Variants in ADGRL1 observed in about 807,000 individuals in gnomAD.
The protein encoded by ADGRL1 is CIRL-1.
A neutral mutation model predicts 148.9 loss-of-function variants in ADGRL1; 31 were observed. The observed-to-expected ratio is 0.21, with a 90% CI of 0.16 to 0.28. The LOEUF (loss-of-function observed/expected upper bound fraction) is 0.28. ADGRL1 is among the 10% of genes least tolerant of loss of function. ADGRL1 has a pLI of 1.00. For missense variants in ADGRL1, 1,521 were observed against 2,058.8 expected (o/e 0.74, Z 5.05); for synonymous variants, 937 against 900.3 (o/e 1.04, Z -0.73).
At chr19:14,166,670 C>G (rs1044435993) in intron 4 of ADGRL1, among the ~76,000 whole-genome samples, 3 of 139,072 alleles carry the variant, frequency 2.2e-5, no homozygotes, top group Non-Finnish European at 4.7e-5. Context: ...GCCCTGGATG[C>G]TTATACACTT....
rs550958283 is a variant in ADGRL1, at chr19:14,205,439, A to G, written c.-96+546T>C. Among the ~76,000 whole-genome samples the G allele has an allele frequency of 3.7e-4, 54 of 145,764 alleles. 1 individual carries two copies. The South Asian group carries it at 9.9e-3, about 27-fold the overall frequency. The stretch of plus-strand genomic sequence containing the variant: ...CGGACCCCTCCCCATCCCCCGCGCC[A>G]CTGCCTCCCAGAGAAAAACAACCCC... On this transcript the variant is annotated intron_variant, in intron 1 of 22. Transcript: ENST00000361434.
At chr19:14,172,488 C>G (rs750543806) in intron 3 of ADGRL1, among the ~76,000 whole-genome samples, 7 of 151,974 alleles carry the variant, frequency 4.6e-5, no homozygotes, top group Non-Finnish European at 1.0e-4. Flanking sequence ...ACCTGTAATC[C>G]CAGAACTTTG....
chr19:14,181,447 G>T (rs750289292), intron 2 of ADGRL1, among the ~76,000 whole-genome samples: 1 of 152,178 alleles, frequency 6.6e-6, no homozygotes, highest in African/African-American at 2.4e-5. Flanking sequence ...GGCTGGGCGC[G>T]GTGGTTCACG....
rs1460969532 is a variant in ADGRL1 at position 14,161,885 on chromosome 19, CA to C, written c.1196-260del. On this transcript the variant is annotated intron_variant, in intron 5 of 22. Transcript: ENST00000361434. The surrounding 1 kb of genome is among the most constrained non-coding windows in gnomAD (Gnocchi z 4.4). ...GTACCATAAGGTCTGAGAGAACGGTCAGGGGAGAGGCAGGGACAGAGGTGTC... is the reference window on the plus strand; with the variant it reads ...GTACCATAAGGTCTGAGAGAACGGTCGGGGAGAGGCAGGGACAGAGGTGTC... 1.3e-5 allele frequency among the ~76,000 whole-genome samples: 2 copies of C among 152,288 alleles called. No individual in the cohort carries two copies. Among genetic ancestry groups the C allele is most frequent in the East Asian group, 3.9e-4 (2 of 5,186 alleles).
intron 1 of ADGRL1, among the ~76,000 whole-genome samples, chr19:14,184,591 A>C (rs1971441555): frequency 1.4e-5 from 2 of 145,256 alleles, no homozygotes; most frequent in Admixed American, 6.9e-5. Flanking sequence ...CACCACTACC[A>C]CCAGCTAATT....
At chr19:14,183,478 C>T (rs1475610051) in intron 2 of ADGRL1, 55 bp downstream of exon 2, 30 of 1,307,538 alleles carry the variant, frequency 2.3e-5, no homozygotes, top group Admixed American at 1.8e-4. Flanking sequence ...TTTTATCTGC[C>T]CCCCCCAGAA....
rs867605945 is a variant in ADGRL1 at position 14,205,579 on chromosome 19, G to A, written c.-96+406C>T. ...CACACCCAGACACCTACACAAACAG[G>A]GCGCCAAGCACCCGCGCGCACACGC... is the stretch of plus-strand genomic sequence containing the variant. On this transcript the variant is annotated intron_variant, in intron 1 of 22. Transcript: ENST00000361434. 9.1e-4 allele frequency among the ~76,000 whole-genome samples: 138 copies of A among 151,832 alleles called. 3 individuals carry two copies. The highest frequency in any genetic ancestry group is 5.9e-4 in the Admixed American group (9 of 15,270).
In ADGRL1 at chr19:14,155,301, G is replaced by A; in HGVS notation, c.3294+58C>T. The stretch of plus-strand genomic sequence containing the variant: ...CCTCCACCCTCGCCGCCTTCTCCTG[G>A]GTACCCAGGAAACGTCTCCAAGGGA... On this transcript the variant is annotated intron_variant, in intron 18 of 22. Transcript: ENST00000361434. The surrounding 1 kb of genome is among the most constrained non-coding windows in gnomAD (Gnocchi z 5.0). 1 of 1,590,788 alleles carries A rather than the reference G, an allele frequency of 6.3e-7. No individual in the cohort carries two copies. Among genetic ancestry groups the A allele is most frequent in the South Asian group, 1.1e-5 (1 of 88,552 alleles).
chr19:14,157,113 G>A lies in ADGRL1; in HGVS notation c.2778C>T (p.His926=), dbSNP rs776817010. The A allele has an allele frequency of 1.2e-6, 2 of 1,614,116 alleles. No individual in the cohort carries two copies. The highest frequency in any genetic ancestry group is 1.7e-6 in the Non-Finnish European group (2 of 1,180,014). Residue 926 remains histidine, a synonymous_variant, in exon 15 of 23, where the codon CAC becomes CAT. Transcript: ENST00000361434. The surrounding 1 kb of genome is among the most constrained non-coding windows in gnomAD (Gnocchi z 7.5). The part of the protein sequence containing the change: ...IACPIFAGLL[H]YFFLAAFSWL... ...AGGAGAAGGCAGCCAGGAAGAAATAGTGCAGCAGGCCGGCGAAGATGGGGC... is the reference window on the plus strand; with the variant it reads ...AGGAGAAGGCAGCCAGGAAGAAATAATGCAGCAGGCCGGCGAAGATGGGGC...
At position 14,163,264 on chromosome 19, in the gene ADGRL1, C is replaced by T. The variant is rs149946939; in HGVS notation, c.537G>A (p.Thr179=). 3.4e-5 allele frequency: 55 copies of T among 1,613,768 alleles called. No homozygotes were observed. The highest frequency in any genetic ancestry group is 3.3e-4 in the Middle Eastern group (2 of 6,060). ...ACGAGGCATACTCAGTCAGTGTGTC[C>T]GTGCGGTAGGGGATCCAGGGCATCA... is the stretch of plus-strand genomic sequence containing the variant. ...IYVMPWIPYR[T]DTLTEYASWE... The change falls in exon 5 of 23, where the codon ACG becomes ACA. Residue 179 remains threonine, a synonymous_variant. Transcript: ENST00000361434.
intron 2 of ADGRL1, among the ~76,000 whole-genome samples, chr19:14,181,679 C>T (rs1393115733): frequency 1.3e-5 from 2 of 152,172 alleles, no homozygotes; most frequent in African/African-American, 4.8e-5. Flanking sequence ...GAGATCACAC[C>T]ACTGCACTCC....
chr19:14,171,124 A>G (rs549843264), intron 3 of ADGRL1: 283 of 223,778 alleles, frequency 1.3e-3, no homozygotes, highest in Non-Finnish European at 1.8e-3. Context: ...CTCCTACTCC[A>G]GCCATGTACG....
chr19:14,157,019 T>C lies in ADGRL1; in HGVS notation c.2872A>G (p.Thr958Ala). The C allele has an allele frequency of 4.3e-6, 7 of 1,613,716 alleles. No individual in the cohort carries two copies. The Middle Eastern group carries it at 6.6e-4, about 152-fold the overall frequency. The change falls in exon 15 of 23, where the codon ACC (threonine) becomes GCC (alanine). Residue 958 changes from threonine to alanine, a missense_variant. Thr to Ala is a moderately conservative substitution (Grantham distance 58). Coordinates refer to ENST00000361434, the MANE Select transcript of ADGRL1 (RefSeq NM_014921.5). The surrounding 1 kb of genome is among the most constrained non-coding windows in gnomAD (Gnocchi z 7.5). ...VEVFESEYSR[T>A]KYYYLGGYCF... is the part of the protein sequence containing the mutation. ...TAGCCACCCAGGTAGTAGTACTTGG[T>C]GCGGGAATACTCGCTCTCAAACACC...
chr19:14,187,998 G>A (rs1971692327), intron 1 of ADGRL1, among the ~76,000 whole-genome samples: 4 of 152,124 alleles, frequency 2.6e-5, no homozygotes, highest in Non-Finnish European at 5.9e-5. Flanking sequence ...GGGAGGCTAA[G>A]GTGGGTGGAT....
In ADGRL1 at chr19:14,161,733, G is replaced by A. The variant is rs1017409917; in HGVS notation, c.1196-107C>T. The A allele has an allele frequency of 1.3e-6, 1 of 782,852 alleles. No homozygotes were observed. The highest frequency in any genetic ancestry group is 1.8e-6 in the Non-Finnish European group (1 of 556,934). 48.5% of individuals were successfully genotyped at this position (782,852 alleles called of 1,614,324 possible). ...CTTAGCATCTTCCTCATCTACTGAA[G>A]TGGAAACACGTGCCGGGCCCCACTG... On this transcript the variant is annotated intron_variant, in intron 5 of 22. Transcript: ENST00000361434. This position sits in a 1 kb window ranked among gnomAD's most constrained non-coding sequence, Gnocchi z 4.4.
At chr19:14,170,468 G>A (rs985798536) in intron 4 of ADGRL1, 3 of 499,216 alleles carry the variant, frequency 6.0e-6, no homozygotes, top group African/African-American at 5.9e-5. Context: ...GTCCCCACAG[G>A]AGGGGACAGA....
At position 14,170,752 on chromosome 19, in the gene ADGRL1, C is replaced by T. The variant is rs75971830; in HGVS notation, c.324G>A (p.Ser108=). 19,926 of 1,612,100 alleles carry T rather than the reference C, an allele frequency of 0.012. 165 individuals carry two copies. Among genetic ancestry groups the T allele is most frequent in the South Asian group, 0.022 (2,020 of 90,914 alleles). Residue 108 remains serine (S), a synonymous_variant, in exon 4 of 23, where the codon TCG becomes TCA. Coordinates refer to ENST00000361434, the MANE Select transcript of ADGRL1 (RefSeq NM_014921.5). Reference sequence around the variant, plus strand: ...CAGGACAGGGGTCAGGAAAGGCATCCGAGCCGGCGACCACCACGCACTGGG... The same window carrying T: ...CAGGACAGGGGTCAGGAAAGGCATCTGAGCCGGCGACCACCACGCACTGGG... The part of the protein sequence containing the change: ...NRTQCVVVAG[S]DAFPDPCPGT...
At chr19:14,203,577 C>G (rs918665309) in intron 1 of ADGRL1, among the ~76,000 whole-genome samples, 1 of 152,192 alleles carries the variant, frequency 6.6e-6, no homozygotes, top group African/African-American at 2.4e-5. Context: ...AACACACTCC[C>G]GTGCAGCTGA....
rs768763278 is a variant in ADGRL1, at chr19:14,162,972, C to A, written c.829G>T (p.Ala277Ser). ...VDENGLWVIY[A>S]TEGNNGRLVV... is the part of the protein sequence containing the mutation. ...AGCCGCCCGTTGTTGCCCTCAGTGG[C>A]GTAGATGACCCACAGCCCGTTCTCG... The change falls in exon 5 of 23, where the codon GCC (alanine) becomes TCC (serine). Residue 277 changes from alanine to serine, a missense_variant. Physicochemically the swap from Ala to Ser is moderately conservative, Grantham distance 99 (BLOSUM62 1). This residue lies in a region of ADGRL1 where 334 missense variants were observed against 512.5 expected (regional missense o/e 0.65). Coordinates refer to ENST00000361434, the MANE Select transcript of ADGRL1 (RefSeq NM_014921.5). This position sits in a 1 kb window ranked among gnomAD's most constrained non-coding sequence, Gnocchi z 5.4. 1 of 1,613,882 alleles carries A rather than the reference C, an allele frequency of 6.2e-7. No individual in the cohort carries two copies.
Sources: gnomAD v4.1 joint callset for allele counts (sites outside exome capture counted in the v4.1 genomes callset) on GRCh38, gnomAD v4.1.1 for gene constraint, gnomAD v4.1.1 regional missense constraint, Gnocchi (gnomAD v3.1) non-coding constraint, MANE v1.5 for transcripts, NCBI Gene and HGNC (gene_info 2026-07-23, HGNC 2026-07-21) for gene names.